SPATA18: variants seen among roughly 807,000 people sequenced by gnomAD.
SPATA18 encodes the protein spermatogenesis associated 18, also known as mitochondria-eating protein.
SPATA18 carries 54 observed loss-of-function variants against 68.1 expected under a neutral mutation model. The ratio of observed to expected loss-of-function variants is 0.79; its 90% CI spans 0.64 to 0.99. The LOEUF (loss-of-function observed/expected upper bound fraction) is 0.99, where lower values mean the gene tolerates loss of function less well. Ranked by LOEUF, SPATA18 falls within the 50% of genes least tolerant of loss-of-function variation. SPATA18 has a pLI of 0.00. For synonymous variants in SPATA18, 242 were observed against 244.8 expected, an observed-to-expected ratio of 0.99 and a Z score of 0.11; for missense variants, 724 against 681.1, an observed-to-expected ratio of 1.06 and a Z score of -0.70.
chr4:52,088,469 G>C (rs1741635705), intron 11 of SPATA18, among the ~76,000 whole-genome samples: 1 of 152,134 alleles, frequency 6.6e-6, no homozygotes, highest in South Asian at 2.1e-4. Flanking sequence ...AGTTTATTGA[G>C]AGTTTTTTAG....
chr4:52,084,919 A>T lies in SPATA18; in HGVS notation c.1483A>T (p.Asn495Tyr). 1 of 1,613,850 alleles carries T rather than the reference A, an allele frequency of 6.2e-7. No homozygotes were observed. The highest frequency in any genetic ancestry group is 8.5e-7 in the Non-Finnish European group (1 of 1,179,876). The change falls in exon 11 of 13, where the codon AAT (asparagine) becomes TAT (tyrosine). Residue 495 changes from asparagine to tyrosine, a missense_variant. Transcript: ENST00000295213. ...CTCTTTCTCTCTCTTTTTTAAGTGG[A>T]ATTCGGTGCGATCTGTAAGTCGTTG... is the stretch of plus-strand genomic sequence containing the variant. ...EAVTRRGAFW[N>Y]SVRSVSRCRS...
intron 3 of SPATA18, 103 bp downstream of exon 3, chr4:52,061,000 AGT>A: frequency 2.3e-6 from 2 of 878,838 alleles, no homozygotes; most frequent in Non-Finnish European, 3.5e-6. Flanking sequence ...AGACTGATAG[AGT>A]GTCACAATTT....
At chr4:52,083,180 T>C (rs1741103842) in intron 10 of SPATA18, 2 of 985,358 alleles carry the variant, frequency 2.0e-6, no homozygotes, top group Non-Finnish European at 2.4e-6. Context: ...TGGTAGTGCT[T>C]GGATATTCTG....
At chr4:52,088,730 G>A (rs1423985676) in intron 11 of SPATA18, among the ~76,000 whole-genome samples, 4 of 152,120 alleles carry the variant, frequency 2.6e-5, no homozygotes, top group Non-Finnish European at 4.4e-5. Flanking sequence ...CAGGGATATT[G>A]GCCTGAAATT....
chr4:52,090,297 T>C (rs1421952421), intron 11 of SPATA18, among the ~76,000 whole-genome samples: 1 of 152,208 alleles, frequency 6.6e-6, no homozygotes, highest in African/African-American at 2.4e-5. Flanking sequence ...GTTAATATTG[T>C]TATGTGTGTA....
chr4:52,090,623 G>A (rs1382056619), intron 11 of SPATA18, among the ~76,000 whole-genome samples: 1 of 152,154 alleles, frequency 6.6e-6, no homozygotes, highest in Non-Finnish European at 1.5e-5. Flanking sequence ...ACTCTCTTCT[G>A]GCTTGTAGGT....
In SPATA18 at chr4:52,095,195, A is replaced by C. The variant is rs1373858959; in HGVS notation, c.*308A>C. The C allele has an allele frequency of 6.9e-6, 3 of 433,064 alleles. No individual in the cohort carries two copies. The East Asian group carries it at 1.2e-4, about 17-fold the overall frequency. 26.8% of individuals were successfully genotyped at this position (433,064 alleles called of 1,614,324 possible). A position where few individuals can be genotyped will look rare whatever the true frequency, so the allele number is the denominator to read the frequency against. ...AGGTTCAAGATTTCCATCTCAAAAC[A>C]CTACGCTCTTTTATGGGAACTGTGT... On this transcript the variant is annotated 3_prime_UTR_variant, in exon 13 of 13. Coordinates refer to ENST00000295213, the MANE Select transcript of SPATA18 (RefSeq NM_145263.4).
Position 52,072,059 on chromosome 4 carries a change from C to T in SPATA18, c.661C>T (p.Gln221Ter). 1.2e-6 allele frequency: 2 copies of T among 1,613,896 alleles called. No homozygotes were observed. The highest frequency in any genetic ancestry group is 8.5e-7 in the Non-Finnish European group (1 of 1,179,990). ...WNSLKQNADQ[Q>*]DTEAMSDYKK... ...CTCACTCAAGCAGAATGCAGACCAG[C>T]AGGACACAGAAGCCATGTCCGATTA... Residue 221 changes from glutamine (Q) to a stop codon, truncating the protein, a stop_gained, in exon 6 of 13, where the codon CAG becomes TAG. Coordinates refer to ENST00000295213, the MANE Select transcript of SPATA18 (RefSeq NM_145263.4). LOFTEE classifies it high-confidence loss of function.
intron 12 of SPATA18, 21 bp from the exon 13 acceptor site, chr4:52,094,859 A>G: frequency 6.2e-7 from 1 of 1,613,900 alleles, no homozygotes; most frequent in Non-Finnish European, 8.5e-7. Context: ...ATAATAATGA[A>G]CTGTCTATTT....
intron 1 of SPATA18, among the ~76,000 whole-genome samples, chr4:52,055,627 A>T (rs1173987210): frequency 2.6e-5 from 4 of 152,174 alleles, no homozygotes; most frequent in Non-Finnish European, 5.9e-5. Flanking sequence ...TGCTGTGGTT[A>T]TCAATCTTCA....
intron 11 of SPATA18, among the ~76,000 whole-genome samples, chr4:52,092,474 C>T (rs1742055021): frequency 6.6e-6 from 1 of 152,162 alleles, no homozygotes; most frequent in South Asian, 2.1e-4. Context: ...CATTCTCTGG[C>T]CCTTTGCACT....
chr4:52,087,762 TG>T (rs770812615), intron 11 of SPATA18, among the ~76,000 whole-genome samples: 3 of 152,082 alleles, frequency 2.0e-5, no homozygotes, highest in South Asian at 2.1e-4. Context: ...GGCTCTTTTT[TG>T]GTTCCATATG....
At chr4:52,087,721 T>A (rs1340758160) in intron 11 of SPATA18, among the ~76,000 whole-genome samples, 14 of 152,190 alleles carry the variant, frequency 9.2e-5, no homozygotes, top group Non-Finnish European at 1.5e-5. Flanking sequence ...CTAGCTTTGT[T>A]CTTCTTGCCC....
Position 52,059,788 on chromosome 4 carries a change from A to G in SPATA18, c.88-631A>G, listed in dbSNP as rs896998676. ...AATACCTTCTTGCTGTTAAGAAGTA[A>G]TGTTCTCTATGCATATATAATATAT... On this transcript the variant is annotated intron_variant, in intron 1 of 12. Transcript: ENST00000295213. 1.1e-4 allele frequency among the ~76,000 whole-genome samples: 16 copies of G among 152,352 alleles called. No individual in the cohort carries two copies. In the East Asian group the frequency reaches 3.1e-3, roughly 29 times the overall value.
chr4:52,083,929 C>T (rs201139165), intron 10 of SPATA18, among the ~76,000 whole-genome samples: 2 of 151,582 alleles, frequency 1.3e-5, no homozygotes, highest in African/African-American at 2.4e-5. Flanking sequence ...TTAGTAGAGA[C>T]GGGGTTTCAC....
chr4:52,094,494 A>G (rs373384023), intron 11 of SPATA18, 33 bp from the exon 12 acceptor site: 10 of 1,603,574 alleles, frequency 6.2e-6, no homozygotes, highest in East Asian at 2.2e-5. Context: ...TCCGTCTACT[A>G]TGTAATTCAC....
chr4:52,061,055 G>A (rs1738807682), intron 3 of SPATA18, among the ~76,000 whole-genome samples, 158 bp downstream of exon 3: 2 of 152,194 alleles, frequency 1.3e-5, no homozygotes, highest in South Asian at 4.1e-4. Flanking sequence ...GTTAGTTTTT[G>A]AACAGGTAGA....
intron 4 of SPATA18, among the ~76,000 whole-genome samples, chr4:52,062,813 T>A (rs4864900): frequency 0.45 from 67,821 of 152,078 alleles, 17,929 homozygotes; most frequent in Non-Finnish European, 0.59. Context: ...TAGGGGTGTA[T>A]GTGTGCTTCT....
intron 3 of SPATA18, among the ~76,000 whole-genome samples, chr4:52,061,818 T>C: frequency 6.6e-6 from 1 of 152,336 alleles, no homozygotes; most frequent in South Asian, 2.1e-4. Flanking sequence ...TTTTTTTCCC[T>C]GAGAATTTAT....
Sources: allele counts gnomAD v4.1 joint callset (sites outside exome capture counted in the v4.1 genomes callset), GRCh38; gene constraint gnomAD v4.1.1; transcripts MANE v1.5; gene names NCBI Gene and HGNC (gene_info 2026-07-23, HGNC 2026-07-21).